Variants in SRSF4 observed in about 807,000 individuals in gnomAD.
SRSF4 encodes the protein serine and arginine rich splicing factor 4, also known as serine/arginine-rich splicing factor 4.
Under a neutral mutation model 48.8 loss-of-function variants are expected in SRSF4, and 12 were observed. The ratio of observed to expected loss-of-function variants is 0.25; its 90% CI spans 0.16 to 0.40. The LOEUF (loss-of-function observed/expected upper bound fraction) is 0.40. Among genes scored for constraint, SRSF4 ranks in the 10% least tolerant of loss-of-function variants. The probability of loss-of-function intolerance (pLI) is 1.00; values close to 1 mark genes in which losing one functional copy is unlikely to be tolerated. For missense variants in SRSF4, 466 were observed against 667.1 expected (o/e 0.70, Z 3.32); for synonymous variants, 248 against 232.5 (o/e 1.07, Z -0.61).
chr1:29,149,219 A>G lies in SRSF4; in HGVS notation c.676T>C (p.Ser226Pro). The part of the protein sequence containing the change: ...SKSRSRSRSG[S>P]RSRSKSRSRS... ...CTCCGGCTCTTGCTCCGGGAGCGGG[A>G]GCCCGACCTGAGGAGACATGGGATA... The change falls in exon 6 of 6, where the codon TCC becomes CCC. Residue 226 changes from serine to proline, a missense_variant. Around this residue, in one of 2 missense-constraint regions of SRSF4, gnomAD observed 402 missense variants for 437.0 expected, o/e 0.92. Coordinates refer to ENST00000373795, the MANE Select transcript of SRSF4 (RefSeq NM_005626.5). 2 of 1,606,720 alleles carry G rather than the reference A, an allele frequency of 1.2e-6. No individual in the cohort carries two copies. The highest frequency in any genetic ancestry group is 8.5e-7 in the Non-Finnish European group (1 of 1,179,756).
intron 4 of SRSF4, among the ~76,000 whole-genome samples, chr1:29,153,047 T>C (rs888592092): frequency 6.6e-6 from 1 of 152,226 alleles, no homozygotes; most frequent in Non-Finnish European, 1.5e-5. Flanking sequence ...AGACTAGTTG[T>C]GCTGTGTGCA....
intron 1 of SRSF4, among the ~76,000 whole-genome samples, chr1:29,167,154 G>T (rs1672679877): frequency 6.6e-6 from 1 of 152,182 alleles, no homozygotes; most frequent in Non-Finnish European, 1.5e-5. Context: ...TTTGCATTGT[G>T]TCAGGAAAAG....
chr1:29,173,187 G>A (rs1672772781), intron 1 of SRSF4: 1 of 134,952 alleles, frequency 7.4e-6, no homozygotes, highest in Non-Finnish European at 1.5e-5. Flanking sequence ...ATCCAGGCTG[G>A]AGTGCAGTGG....
At chr1:29,165,754 G>T (rs1672662016) in intron 1 of SRSF4, 2 of 152,236 alleles carry the variant, frequency 1.3e-5, no homozygotes, top group African/African-American at 4.8e-5. Context: ...CTAGGGAGTG[G>T]GTATGAGGAG....
At position 29,148,791 on chromosome 1, in the gene SRSF4, A is replaced by G. The variant is rs1672350555; in HGVS notation, c.1104T>C (p.Ser368=). ...TCCTCTCACTCTTGCTGCGGCTGCG[A>G]CTGCGACTGCGGCTCTCCTCTCTGC... is the stretch of plus-strand genomic sequence containing the variant. ...KRSREESRSR[S]RSRSKSERSR... is the part of the protein sequence containing the mutation. Residue 368 remains serine, a synonymous_variant, in exon 6 of 6, where the codon AGT becomes AGC. Transcript: ENST00000373795. 6 of 1,611,586 alleles carry G rather than the reference A, an allele frequency of 3.7e-6. No homozygotes were observed. Among genetic ancestry groups the G allele is most frequent in the Non-Finnish European group, 4.2e-6 (5 of 1,179,098 alleles).
At chr1:29,167,356 G>A (rs1034467133) in intron 1 of SRSF4, among the ~76,000 whole-genome samples, 1 of 152,112 alleles carries the variant, frequency 6.6e-6, no homozygotes, top group Non-Finnish European at 1.5e-5. Flanking sequence ...ACTTTCTTTA[G>A]CTTTAGCACT....
intron 1 of SRSF4, chr1:29,170,671 T>C (rs1672734113): frequency 6.6e-6 from 1 of 152,232 alleles, no homozygotes; most frequent in Non-Finnish European, 1.5e-5. Flanking sequence ...GATGGATCAA[T>C]AGCTTCATTT....
chr1:29,176,516 G>GT (rs1672856494), intron 1 of SRSF4, among the ~76,000 whole-genome samples: 1 of 151,364 alleles, frequency 6.6e-6, no homozygotes, highest in Non-Finnish European at 1.5e-5. Context: ...AAAAAATACT[G>GT]TAACAGCTCA....
intron 3 of SRSF4, among the ~76,000 whole-genome samples, chr1:29,155,765 T>G (rs748625687): frequency 3.9e-5 from 6 of 152,198 alleles, no homozygotes; most frequent in Non-Finnish European, 8.8e-5. Flanking sequence ...AGTGCTAGGA[T>G]TATAGGCATG....
rs535065690 is a variant in SRSF4 at position 29,154,537 on chromosome 1, C to A, written c.578+159G>T. On this transcript the variant is annotated intron_variant, in intron 4 of 5. Transcript: ENST00000373795. ...TATTTGTACTCATGACCTAAGAGTT[C>A]AAGAGTTTTACAAATAAATGTTCAG... is the stretch of plus-strand genomic sequence containing the variant. 8.4e-6 allele frequency: 6 copies of A among 711,100 alleles called. No individual in the cohort carries two copies. In the Admixed American group the frequency reaches 8.9e-5, roughly 11 times the overall value. 44.0% of individuals were successfully genotyped at this position (711,100 alleles called of 1,614,324 possible).
chr1:29,172,718 T>A (rs1672763259), intron 1 of SRSF4: 3 of 152,240 alleles, frequency 2.0e-5, no homozygotes, highest in Admixed American at 2.0e-4. Context: ...TGCACTGAGA[T>A]ACTTGAATAT....
chr1:29,153,181 G>C (rs868429329), intron 4 of SRSF4, among the ~76,000 whole-genome samples: 1 of 152,148 alleles, frequency 6.6e-6, no homozygotes, highest in South Asian at 2.1e-4. Context: ...GCCCAGGCTG[G>C]AGTATAGTGG....
chr1:29,155,076 A>T (rs1353796485), intron 3 of SRSF4, among the ~76,000 whole-genome samples, 166 bp from the exon 4 acceptor site: 1 of 152,230 alleles, frequency 6.6e-6, no homozygotes, highest in Non-Finnish European at 1.5e-5. Flanking sequence ...GGTTCTTTAA[A>T]GCACCAGCCA....
Position 29,148,605 on chromosome 1 carries a change from C to T in SRSF4, c.1290G>A (p.Glu430=), listed in dbSNP as rs1672344413. The T allele has an allele frequency of 1.2e-6, 2 of 1,613,950 alleles. No individual in the cohort carries two copies. The highest frequency in any genetic ancestry group is 1.7e-6 in the Non-Finnish European group (2 of 1,179,872). ...SESSQREGRG[E]SENAGTNQET... is the part of the protein sequence containing the mutation. ...CCTGATTGGTGCCAGCATTCTCACT[C>T]TCTCCTCGACCTTCCCTCTGGCTGG... Residue 430 remains glutamate (E), a synonymous_variant, in exon 6 of 6, where the codon GAG becomes GAA. Transcript: ENST00000373795.
intron 1 of SRSF4, 123 bp downstream of exon 1, chr1:29,181,523 C>G (rs1672957536): frequency 1.2e-6 from 1 of 820,012 alleles, no homozygotes; most frequent in South Asian, 2.1e-5. Flanking sequence ...GCCACTATGG[C>G]GGAGCCTGGC....
chr1:29,176,187 A>G (rs1468269196), intron 1 of SRSF4, among the ~76,000 whole-genome samples: 3 of 151,858 alleles, frequency 2.0e-5, no homozygotes, highest in Non-Finnish European at 4.4e-5. Context: ...AAAAGGCGGA[A>G]GTTGCAGTGA....
chr1:29,177,814 T>C lies in SRSF4; in HGVS notation c.107+3832A>G, dbSNP rs115057273. The stretch of plus-strand genomic sequence containing the variant: ...CTTCTCCAAACCCTCTCAGGGTCCA[T>C]AGAATCCTTTCCTGAACACTAAATC... On this transcript the variant is annotated intron_variant, in intron 1 of 5. Coordinates refer to ENST00000373795, the MANE Select transcript of SRSF4 (RefSeq NM_005626.5). 2.2e-3 allele frequency among the ~76,000 whole-genome samples: 329 copies of C among 152,022 alleles called. 3 individuals are homozygous for C. The highest frequency in any genetic ancestry group is 7.3e-3 in the African/African-American group (302 of 41,476).
intron 1 of SRSF4, among the ~76,000 whole-genome samples, chr1:29,162,216 C>G (rs896062932): frequency 6.6e-6 from 1 of 152,294 alleles, no homozygotes; most frequent in African/African-American, 2.4e-5. Flanking sequence ...CATAGTTTCA[C>G]GCTTCCATAG....
chr1:29,178,471 G>A (rs1672904326), intron 1 of SRSF4, among the ~76,000 whole-genome samples: 1 of 151,644 alleles, frequency 6.6e-6, no homozygotes, highest in Non-Finnish European at 1.5e-5. Flanking sequence ...AGCCTCTCGA[G>A]TAGCTGGGAC....
Sources: allele counts gnomAD v4.1 joint callset (sites outside exome capture counted in the v4.1 genomes callset), GRCh38; gene constraint gnomAD v4.1.1; regional missense constraint gnomAD v4.1.1; transcripts MANE v1.5; gene names NCBI Gene and HGNC (gene_info 2026-07-23, HGNC 2026-07-21).